The following CLIC5 variants were observed in gnomAD, a reference collection of about 807,000 sequenced individuals.
The protein encoded by CLIC5 is chloride intracellular channel protein 5.
In CLIC5, 20 loss-of-function variants were observed where a neutral mutation model predicts 24.7. That is an observed-to-expected ratio of 0.81 (90% confidence interval 0.57 to 1.18). The LOEUF is 1.18. CLIC5 is among the 50% of genes most tolerant of loss of function. The pLI is 0.00. For synonymous variants in CLIC5, 159 were observed against 135.6 expected (o/e 1.17, Z -1.20); for missense variants, 341 against 326.1 (o/e 1.05, Z -0.35).
chr6:45,880,827 T>C (rs1194315524), downstream of CLIC5: 1 of 274,286 alleles, frequency 3.6e-6, no homozygotes, highest in Non-Finnish European at 6.7e-6. Context: ...AGGCCAGATC[T>C]GAGAGAGGCA....
chr6:46,056,913 T>G (rs1442920716), intron 1 of CLIC5, among the ~76,000 whole-genome samples: 2 of 152,168 alleles, frequency 1.3e-5, no homozygotes, highest in Non-Finnish European at 2.9e-5. Flanking sequence ...AAAACCCTCC[T>G]CACCCCCCAA....
intron 3 of CLIC5, among the ~76,000 whole-genome samples, 175 bp from the exon 4 acceptor site, chr6:45,941,828 C>T (rs1237419295): frequency 6.6e-6 from 1 of 152,094 alleles, no homozygotes; most frequent in African/African-American, 2.4e-5. Flanking sequence ...CTAGGGCATC[C>T]ATAGAAGAAA....
chr6:45,900,893 C>T lies in CLIC5; in HGVS notation c.*2195G>A, dbSNP rs1206101967. 1 of 152,094 alleles carries T rather than the reference C, an allele frequency of 6.6e-6. No homozygotes were observed. Among genetic ancestry groups the T allele is most frequent in the Non-Finnish European group, 1.5e-5 (1 of 68,024 alleles). 9.4% of individuals were successfully genotyped at this position (152,094 alleles called of 1,614,324 possible). ...GTTGCTGAATTCTGAACATCCAATCCGAGTCCTTGGAATTCTGCAGACTTC... is the reference window on the plus strand; with the variant it reads ...GTTGCTGAATTCTGAACATCCAATCTGAGTCCTTGGAATTCTGCAGACTTC... On this transcript the variant is annotated 3_prime_UTR_variant, in exon 6 of 6. Transcript: ENST00000339561.
In CLIC5 at chr6:45,930,359, G is replaced by T. The variant is rs537859345; in HGVS notation, c.406+11188C>A. Among the ~76,000 whole-genome samples the T allele has an allele frequency of 1.1e-4, 16 of 152,288 alleles. No homozygotes were observed. In the South Asian group the frequency reaches 3.1e-3, roughly 30 times the overall value. ...GGAAAGGGAGAAAGAAGCATTTGGG[G>T]GTAGTTGTCATTGGGAGGGGCAGCC... On this transcript the variant is annotated intron_variant, in intron 4 of 5. Coordinates refer to ENST00000339561, the MANE Select transcript of CLIC5 (RefSeq NM_016929.5).
the CLIC5 span, among the ~76,000 whole-genome samples, chr6:46,090,530 T>C: frequency 5.3e-5 from 8 of 152,216 alleles, no homozygotes; most frequent in African/African-American, 1.9e-4. Context: ...CGCCTTTTAC[T>C]TATTTTTTAC....
rs200059741 is a variant in CLIC5, at chr6:45,943,830, G to A, written c.300-2177C>T. The stretch of plus-strand genomic sequence containing the variant: ...TCCTGTTTCCCAAGCACTAGGACTC[G>A]TTGTGATTTTACTGTGTAGTGCAGT... On this transcript the variant is annotated intron_variant, in intron 3 of 5. Transcript: ENST00000339561. 5.9e-5 allele frequency among the ~76,000 whole-genome samples: 9 copies of A among 152,092 alleles called. No individual in the cohort carries two copies. The East Asian group carries it at 1.2e-3, about 20-fold the overall frequency.
At position 45,902,336 on chromosome 6, in the gene CLIC5, G is replaced by GCTCCC; in HGVS notation, c.*747_*751dup. The GCTCCC allele has an allele frequency of 6.5e-6, 1 of 152,804 alleles. No homozygotes were observed. Among genetic ancestry groups the GCTCCC allele is most frequent in the Non-Finnish European group, 1.5e-5 (1 of 68,200 alleles). The allele number at this position is 152,804 out of a possible 1,614,324, so 9.5% of individuals were successfully genotyped here. On this transcript the variant is annotated 3_prime_UTR_variant, in exon 6 of 6. Coordinates refer to ENST00000339561, the MANE Select transcript of CLIC5 (RefSeq NM_016929.5). Reference sequence around the variant, plus strand: ...CCGTGGGTATTTTGGCATCAACACTGCTCCCCTCCCCTCCCATCCCAGTCA... The same window carrying GCTCCC: ...CCGTGGGTATTTTGGCATCAACACTGCTCCCCTCCCCTCCCCTCCCATCCCAGTCA...
chr6:46,090,068 A>G, the CLIC5 span, among the ~76,000 whole-genome samples: 10 of 152,318 alleles, frequency 6.6e-5, no homozygotes, highest in African/African-American at 2.4e-4. Flanking sequence ...ATTTGCTTCC[A>G]TTACTTAAAA....
chr6:45,889,136 A>G (rs1020614782), intron 6 of CLIC5, among the ~76,000 whole-genome samples: 3 of 152,200 alleles, frequency 2.0e-5, no homozygotes, highest in African/African-American at 7.2e-5. Flanking sequence ...CTTATGAACA[A>G]CAGAAATTTA....
In CLIC5 at chr6:45,960,920, T is replaced by C. The variant is rs146415147; in HGVS notation, c.64-5676A>G. On this transcript the variant is annotated intron_variant, in intron 1 of 5. Coordinates refer to ENST00000339561, the MANE Select transcript of CLIC5 (RefSeq NM_016929.5). ...TAAGTTTGTCCTTCCCTGGCTCCTC[T>C]CCCTCAGCCCTAGGGTACCATAGAG... 8.6e-3 allele frequency among the ~76,000 whole-genome samples: 1,305 copies of C among 152,306 alleles called. 16 individuals carry two copies. The highest frequency in any genetic ancestry group is 0.03 in the African/African-American group (1,235 of 41,560).
At chr6:45,888,407 T>C (rs1019211944) in intron 6 of CLIC5, among the ~76,000 whole-genome samples, 1 of 152,200 alleles carries the variant, frequency 6.6e-6, no homozygotes, top group Non-Finnish European at 1.5e-5. Context: ...GAAAGAGAGA[T>C]AATGCTAGCA....
At chr6:46,084,956 G>A (rs1286167144), upstream of CLIC5, among the ~76,000 whole-genome samples, 1 of 152,096 alleles carries the variant, frequency 6.6e-6, no homozygotes, top group Admixed American at 6.5e-5. Context: ...AATATTTCTT[G>A]GAGGCTTTGT....
intron 4 of CLIC5, among the ~76,000 whole-genome samples, chr6:45,930,580 T>A (rs998152105): frequency 6.6e-6 from 1 of 152,142 alleles, no homozygotes. Context: ...ATAAATCACA[T>A]CAGCTGGCTC....
chr6:46,015,351 G>T, intron 1 of CLIC5, 129 bp downstream of exon 1: 1 of 949,260 alleles, frequency 1.1e-6, no homozygotes, highest in South Asian at 2.5e-5. Context: ...CTGCGGAAAG[G>T]CCACGGGGGA....
chr6:45,886,942 A>G (rs1297680584), intron 6 of CLIC5, among the ~76,000 whole-genome samples: 1 of 152,198 alleles, frequency 6.6e-6, no homozygotes, highest in Non-Finnish European at 1.5e-5. Flanking sequence ...CACTCAGTGC[A>G]TAGGATCTGG....
At chr6:45,912,820 T>C in intron 5 of CLIC5, 1 of 959,274 alleles carries the variant, frequency 1.0e-6, no homozygotes, top group Non-Finnish European at 1.6e-6. Context: ...TGGCTGGACC[T>C]ACAAGTGACT....
intron 3 of CLIC5, 101 bp downstream of exon 3, chr6:45,949,155 G>T (rs1392686419): frequency 4.1e-6 from 6 of 1,451,082 alleles, no homozygotes; most frequent in East Asian, 2.4e-5. Flanking sequence ...GACTGGTGAG[G>T]TTCCTTTGGA....
intron 3 of CLIC5, among the ~76,000 whole-genome samples, chr6:45,946,857 G>T (rs146936848): frequency 6.6e-6 from 1 of 152,324 alleles, no homozygotes; most frequent in Non-Finnish European, 1.5e-5. Flanking sequence ...CCCCACCTTG[G>T]TAGGCTTCTG....
At chr6:45,894,383 C>A (rs192625247), downstream of CLIC5, among the ~76,000 whole-genome samples, 29 of 152,138 alleles carry the variant, frequency 1.9e-4, no homozygotes, top group Admixed American at 9.8e-4. Context: ...AAGAAGCTAG[C>A]TTATTGGTAC....
Sources: gnomAD v4.1 joint callset for allele counts (sites outside exome capture counted in the v4.1 genomes callset) on GRCh38, gnomAD v4.1.1 for gene constraint, MANE v1.5 for transcripts, NCBI Gene and HGNC (gene_info 2026-07-23, HGNC 2026-07-21) for gene names.